TNKS: variants seen among roughly 807,000 people sequenced by gnomAD.
TNKS encodes the protein poly [ADP-ribose] polymerase tankyrase-1.
Under a neutral mutation model 135.8 loss-of-function variants are expected in TNKS, and 72 were observed. That is an observed-to-expected ratio of 0.53 (90% confidence interval 0.44 to 0.64). The LOEUF (loss-of-function observed/expected upper bound fraction) is 0.64. Among genes scored for constraint, TNKS ranks in the 30% least tolerant of loss-of-function variants. The pLI, the probability that TNKS is intolerant of heterozygous loss-of-function variation, is 0.00. For synonymous variants in TNKS, 849 were observed against 649.3 expected, an observed-to-expected ratio of 1.31 and a Z score of -4.68; for missense variants, 1,769 against 1,674.0, an observed-to-expected ratio of 1.06 and a Z score of -0.99.
At chr8:9,673,815 T>G (rs1802416234) in intron 3 of TNKS, among the ~76,000 whole-genome samples, 1 of 152,164 alleles carries the variant, frequency 6.6e-6, no homozygotes, top group Non-Finnish European at 1.5e-5. Flanking sequence ...ATTGGAAAGC[T>G]TCTCAAATAA....
intron 17 of TNKS, among the ~76,000 whole-genome samples, chr8:9,736,480 C>A (rs894299461): frequency 1.3e-5 from 2 of 151,882 alleles, no homozygotes; most frequent in Non-Finnish European, 2.9e-5. Context: ...CTTGCCCACG[C>A]CTATGTCCTG....
At chr8:9,635,466 C>G (rs767248927) in intron 3 of TNKS, among the ~76,000 whole-genome samples, 1 of 152,158 alleles carries the variant, frequency 6.6e-6, no homozygotes, top group Non-Finnish European at 1.5e-5. Context: ...ATAGTAAAGA[C>G]TGGTTAGGAC....
At chr8:9,728,016 C>T (rs1376649613) in intron 13 of TNKS, among the ~76,000 whole-genome samples, 3 of 152,184 alleles carry the variant, frequency 2.0e-5, no homozygotes, top group African/African-American at 7.2e-5. Context: ...AGAGCATGAT[C>T]ATCTCAGTGC....
chr8:9,620,429 A>G (rs1233789610), intron 3 of TNKS, among the ~76,000 whole-genome samples: 1 of 152,080 alleles, frequency 6.6e-6, no homozygotes, highest in Non-Finnish European at 1.5e-5. Context: ...CACTACTTAA[A>G]CTTCGCTCAG....
intron 1 of TNKS, chr8:9,557,021 T>G (rs958825796): frequency 3.6e-6 from 1 of 278,784 alleles, no homozygotes; most frequent in African/African-American, 2.2e-5. Flanking sequence ...CAAAAGAGGT[T>G]TAATACAACC....
At chr8:9,674,711 A>C (rs1269171287) in intron 3 of TNKS, among the ~76,000 whole-genome samples, 2 of 152,124 alleles carry the variant, frequency 1.3e-5, no homozygotes, top group Non-Finnish European at 2.9e-5. Flanking sequence ...GACAATGTAG[A>C]GATTATGTTG....
Position 9,556,232 on chromosome 8 carries a change from C to T in TNKS, c.293C>T (p.Thr98Ile). The T allele has an allele frequency of 6.2e-7, 1 of 1,614,168 alleles. No individual in the cohort carries two copies. Among genetic ancestry groups the T allele is most frequent in the Non-Finnish European group, 8.5e-7 (1 of 1,180,038 alleles). The change falls in exon 1 of 27, where the codon ACC becomes ATC. Residue 98 changes from threonine to isoleucine, a missense_variant. By Grantham distance (89) the Thr-to-Ile change is moderately conservative. Around this residue, in one of 5 missense-constraint regions of TNKS, gnomAD observed 450 missense variants for 304.9 expected, o/e 1.48. Transcript: ENST00000310430. ...TGCAGTACCACCAGCACAATCTGTA[C>T]CGTCGCCGCCGCTCCCGTGGTCCCA... ...SCCSTTSTIC[T>I]VAAAPVVPAV...
chr8:9,706,987 G>C lies in TNKS; in HGVS notation c.1446G>C (p.Glu482Asp). Residue 482 changes from glutamate (E) to aspartate (D), a missense_variant, in exon 8 of 27, where the codon GAG becomes GAC. By Grantham distance (45) the Glu-to-Asp change is conservative (BLOSUM62 2). This residue lies in a region of TNKS where 523 missense variants were observed against 541.0 expected (regional missense o/e 0.97). Transcript: ENST00000310430. The stretch of plus-strand genomic sequence containing the variant: ...TGGCTCCAACTCCGGAGCTTAGGGA[G>C]AGATTGACTTGTACGTATTTATATC... Reference protein sequence around the residue: ...VDMAPTPELRERLTYEFKGHS... With the variant: ...VDMAPTPELRDRLTYEFKGHS... The C allele has an allele frequency of 6.3e-7, 1 of 1,591,622 alleles. No individual in the cohort carries two copies. Among genetic ancestry groups the C allele is most frequent in the African/African-American group, 1.4e-5 (1 of 73,844 alleles).
At chr8:9,620,643 G>C (rs1799830858) in intron 3 of TNKS, among the ~76,000 whole-genome samples, 1 of 152,080 alleles carries the variant, frequency 6.6e-6, no homozygotes. Flanking sequence ...GCTACAGCTG[G>C]CTGTTTGCTG....
At chr8:9,570,022 G>A (rs530612256) in intron 1 of TNKS, among the ~76,000 whole-genome samples, 14 of 151,306 alleles carry the variant, frequency 9.3e-5, no homozygotes, top group African/African-American at 2.9e-4. Context: ...ATTTTGTTAC[G>A]GTTTCATTTT....
At chr8:9,609,443 C>G (rs1799364333) in intron 2 of TNKS, among the ~76,000 whole-genome samples, 1 of 152,188 alleles carries the variant, frequency 6.6e-6, no homozygotes, top group Non-Finnish European at 1.5e-5. Context: ...AGGTATCACC[C>G]TTGTTGTGTG....
At chr8:9,577,920 G>A (rs911977800) in intron 1 of TNKS, among the ~76,000 whole-genome samples, 3 of 152,186 alleles carry the variant, frequency 2.0e-5, no homozygotes, top group African/African-American at 7.2e-5. Context: ...TACAGTGGGC[G>A]TACAGGCATT....
chr8:9,735,679 A>T (rs1805666428), intron 17 of TNKS, among the ~76,000 whole-genome samples, 193 bp downstream of exon 17: 1 of 152,066 alleles, frequency 6.6e-6, no homozygotes, highest in East Asian at 1.9e-4. Flanking sequence ...GGGCACCTGT[A>T]GTCCCAGCTA....
Position 9,778,560 on chromosome 8 carries a change from G to A in TNKS, c.*1824G>A, listed in dbSNP as rs1046207142. 4 of 152,630 alleles carry A rather than the reference G, an allele frequency of 2.6e-5. No individual in the cohort carries two copies. The allele number at this position is 152,630 out of a possible 1,614,324, so 9.5% of individuals were successfully genotyped here. On this transcript the variant is annotated 3_prime_UTR_variant, in exon 27 of 27. Transcript: ENST00000310430. ...AAAATTAAATCGAGAATTAGCCTCA[G>A]TTGTTGCTTCTTTTGAAGTTTCAGT...
Position 9,556,178 on chromosome 8 carries a change from C to G in TNKS, c.239C>G (p.Ser80Cys). 1 of 1,612,764 alleles carries G rather than the reference C, an allele frequency of 6.2e-7. No individual in the cohort carries two copies. The highest frequency in any genetic ancestry group is 2.2e-5 in the East Asian group (1 of 44,852). The change falls in exon 1 of 27, where the codon TCC (serine) becomes TGC (cysteine). Residue 80 changes from serine to cysteine, a missense_variant. This residue lies in a region of TNKS where 450 missense variants were observed against 304.9 expected (regional missense o/e 1.48). Coordinates refer to ENST00000310430, the MANE Select transcript of TNKS (RefSeq NM_003747.3). Reference protein sequence around the residue: ...GSRDPPDRPRSPDPVDGTSCC... With the variant: ...GSRDPPDRPRCPDPVDGTSCC... The stretch of plus-strand genomic sequence containing the variant: ...CGGGATCCGCCCGACAGGCCCCGAT[C>G]CCCGGACCCGGTTGACGGTACCAGC...
rs142938180 is a variant in TNKS, at chr8:9,772,580, C to A, written c.3897+2318C>A. Among the ~76,000 whole-genome samples, 63 of 152,146 alleles carry A rather than the reference C, an allele frequency of 4.1e-4. 2 individuals are homozygous for A. In the East Asian group the frequency reaches 0.012, roughly 29 times the overall value. On this transcript the variant is annotated intron_variant, in intron 26 of 26. Transcript: ENST00000310430. The stretch of plus-strand genomic sequence containing the variant: ...AACGAAGTTAACCTTCTGCCCCCAA[C>A]TGCATCCAGTATTGGAAGAGAAAGT...
chr8:9,760,237 T>C (rs1339572170), intron 20 of TNKS, among the ~76,000 whole-genome samples: 1 of 152,228 alleles, frequency 6.6e-6, no homozygotes, highest in Non-Finnish European at 1.5e-5. Flanking sequence ...TTTTGTTTTG[T>C]TTTGTTTTTA....
intron 17 of TNKS, among the ~76,000 whole-genome samples, chr8:9,736,403 G>A (rs576273089): frequency 1.1e-3 from 159 of 151,360 alleles, no homozygotes; most frequent in Middle Eastern, 3.5e-3. Flanking sequence ...GATATATATG[G>A]TTTCAGAGAG....
intron 6 of TNKS, among the ~76,000 whole-genome samples, chr8:9,705,263 T>A (rs1803992217): frequency 6.6e-6 from 1 of 152,218 alleles, no homozygotes; most frequent in African/African-American, 2.4e-5. Context: ...TCATTTATTT[T>A]ACCAGTAGGT....
Sources: allele counts gnomAD v4.1 joint callset (sites outside exome capture counted in the v4.1 genomes callset), GRCh38; gene constraint gnomAD v4.1.1; regional missense constraint gnomAD v4.1.1; transcripts MANE v1.5; gene names NCBI Gene and HGNC (gene_info 2026-07-23, HGNC 2026-07-21).